Variants in SYNE2 observed in about 807,000 individuals in gnomAD.
SYNE2 encodes the protein nesprin-2.
In SYNE2, 431 loss-of-function variants were observed where a neutral mutation model predicts 856.3. The observed-to-expected ratio is 0.50, with a 90% CI of 0.47 to 0.55. The LOEUF is 0.55. SYNE2 is among the 20% of genes least tolerant of loss of function. The pLI, the probability that SYNE2 is intolerant of heterozygous loss-of-function variation, is 0.00. For synonymous variants in SYNE2, 2,923 were observed against 2,872.3 expected, an observed-to-expected ratio of 1.02 and a Z score of -0.56; for missense variants, 8,129 against 8,023.2, an observed-to-expected ratio of 1.01 and a Z score of -0.50.
At chr14:64,004,610 G>A (rs908272356) in intron 30 of SYNE2, among the ~76,000 whole-genome samples, 2 of 152,066 alleles carry the variant, frequency 1.3e-5, no homozygotes, top group South Asian at 2.1e-4. Flanking sequence ...GATTACAGGC[G>A]TGAGCCACCG....
chr14:64,212,907 G>C lies in SYNE2; in HGVS notation c.18958G>C (p.Val6320Leu). ...TCAGAAGAGCGAGCCCCTGGATGCT[G>C]TGCTGATTGAGGATGAGCTGGAGGA... ...LIQKSEPLDA[V>L]LIEDELEELH... The change falls in exon 105 of 116, where the codon GTG becomes CTG. Residue 6320 changes from valine (V) to leucine (L), a missense_variant. By Grantham distance (32) the Val-to-Leu change is conservative. Coordinates refer to ENST00000555002, the MANE Select transcript of SYNE2 (RefSeq NM_182914.3). 2 of 1,614,210 alleles carry C rather than the reference G, an allele frequency of 1.2e-6. No homozygotes were observed. Among genetic ancestry groups the C allele is most frequent in the South Asian group, 2.2e-5 (2 of 91,086 alleles).
chr14:64,210,156 AT>A, intron 103 of SYNE2, 32 bp downstream of exon 103: 1 of 1,609,942 alleles, frequency 6.2e-7, no homozygotes. Flanking sequence ...TCGGGTGTAG[AT>A]TTTCCAGGAG....
rs148040971 is a variant in SYNE2, at chr14:64,107,992, A to G, written c.12609+385A>G. Among the ~76,000 whole-genome samples the G allele has an allele frequency of 2.6e-3, 398 of 152,336 alleles. 1 individual carries two copies. The highest frequency in any genetic ancestry group is 9.2e-3 in the African/African-American group (382 of 41,576). ...GTTATCTGTTTAACCCTCAGACTGT[A>G]TAAGGTAGGTTCATACCTACCATAT... On this transcript the variant is annotated intron_variant, in intron 65 of 115. Coordinates refer to ENST00000555002, the MANE Select transcript of SYNE2 (RefSeq NM_182914.3).
chr14:64,154,168 T>TTAA (rs1274828971), intron 85 of SYNE2, among the ~76,000 whole-genome samples: 1 of 138,002 alleles, frequency 7.2e-6, no homozygotes, highest in Admixed American at 7.2e-5. Context: ...CCATTTGTAT[T>TTAA]AAAAAAAAAA....
At chr14:64,220,408 C>T in intron 110 of SYNE2, 29 bp from the exon 111 acceptor site, 1 of 1,613,492 alleles carries the variant, frequency 6.2e-7, no homozygotes, top group South Asian at 1.1e-5. Context: ...TTTCAGAGCT[C>T]CTAACCTCAT....
chr14:63,992,474 C>A (rs2096674825), intron 21 of SYNE2, among the ~76,000 whole-genome samples: 1 of 152,088 alleles, frequency 6.6e-6, no homozygotes, highest in African/African-American at 2.4e-5. Flanking sequence ...GAGAAAGGGT[C>A]TCACTCTGTT....
At chr14:63,794,128 A>C (rs1887834774) in intron 1 of SYNE2, among the ~76,000 whole-genome samples, 1 of 152,176 alleles carries the variant, frequency 6.6e-6, no homozygotes. Context: ...TATGAAGCAA[A>C]ACTTGACAGA....
intron 32 of SYNE2, among the ~76,000 whole-genome samples, chr14:64,010,493 A>G (rs772538969): frequency 2.0e-5 from 3 of 152,208 alleles, no homozygotes; most frequent in Non-Finnish European, 2.9e-5. Context: ...TAGTAGAGTG[A>G]GGAAAAATTA....
chr14:64,188,534 G>A lies in SYNE2; in HGVS notation c.17713-16G>A. On this transcript the variant is annotated splice_polypyrimidine_tract_variant and intron_variant, in intron 97 of 115. Transcript: ENST00000555002. ...TCCTGGCTATACTCAGCTGCCAAAT[G>A]TATTTTCATTTGCAGGTGGCCATAC... 6.2e-7 allele frequency: 1 copy of A among 1,614,146 alleles called. No individual in the cohort carries two copies. The highest frequency in any genetic ancestry group is 8.5e-7 in the Non-Finnish European group (1 of 1,180,022).
Position 64,056,070 on chromosome 14 carries a change from G to C in SYNE2, c.9871G>C (p.Glu3291Gln). 1 of 1,614,162 alleles carries C rather than the reference G, an allele frequency of 6.2e-7. No homozygotes were observed. Among genetic ancestry groups the C allele is most frequent in the Non-Finnish European group, 8.5e-7 (1 of 1,180,016 alleles). The stretch of plus-strand genomic sequence containing the variant: ...CAGAGTAGATGTTGGTAATCCAGAA[G>C]AATCTTTAGAGATGCCTCTTCGAAA... The part of the protein sequence containing the change: ...PYRVDVGNPE[E>Q]SLEMPLRKQE... The change falls in exon 49 of 116, where the codon GAA becomes CAA. Residue 3291 changes from glutamate to glutamine, a missense_variant. Transcript: ENST00000555002.
At chr14:64,133,017 A>G (rs1164068108) in intron 77 of SYNE2, among the ~76,000 whole-genome samples, 1 of 151,364 alleles carries the variant, frequency 6.6e-6, no homozygotes, top group East Asian at 1.9e-4. Flanking sequence ...CCTGGCTAAC[A>G]CAGTGAAACC....
chr14:63,762,687 T>G (rs1211831927), intron 1 of SYNE2, among the ~76,000 whole-genome samples: 2 of 151,674 alleles, frequency 1.3e-5, no homozygotes, highest in Non-Finnish European at 2.9e-5. Flanking sequence ...CCACCCGCCT[T>G]AGCTCCCAAA....
At chr14:64,134,671 C>T (rs2098065551) in intron 78 of SYNE2, among the ~76,000 whole-genome samples, 1 of 152,124 alleles carries the variant, frequency 6.6e-6, no homozygotes, top group South Asian at 2.1e-4. Context: ...TCTTACCTGT[C>T]ACCAGCATTA....
intron 11 of SYNE2, among the ~76,000 whole-genome samples, chr14:63,973,103 A>G (rs2096492770): frequency 6.6e-6 from 1 of 151,972 alleles, no homozygotes; most frequent in African/African-American, 2.4e-5. Context: ...TAAAAATACA[A>G]AAATTAGCCA....
At chr14:64,169,387 C>G (rs1222427227) in intron 93 of SYNE2, among the ~76,000 whole-genome samples, 2 of 152,198 alleles carry the variant, frequency 1.3e-5, no homozygotes, top group African/African-American at 2.4e-5. Context: ...TCCTATAAGT[C>G]TGAAAGAAGG....
chr14:64,056,473 C>CT (rs373743691), intron 49 of SYNE2, among the ~76,000 whole-genome samples: 4,295 of 142,898 alleles, frequency 0.03, 93 homozygotes, highest in Admixed American at 0.066. Flanking sequence ...TGTATTTCTT[C>CT]TTTTTTTTTT....
chr14:64,133,948 G>T, intron 77 of SYNE2, 121 bp from the exon 78 acceptor site: 1 of 1,208,472 alleles, frequency 8.3e-7, no homozygotes. Context: ...AACACACCTG[G>T]AATCTGTGCT....
chr14:64,207,560 A>AG (rs2098612474), intron 100 of SYNE2, among the ~76,000 whole-genome samples: 1 of 151,548 alleles, frequency 6.6e-6, no homozygotes, highest in South Asian at 2.1e-4. Flanking sequence ...AAAAAAAAAA[A>AG]AGAGAGTATG....
chr14:64,218,264 G>C, intron 108 of SYNE2, 134 bp from the exon 109 acceptor site: 1 of 808,822 alleles, frequency 1.2e-6, no homozygotes, highest in Non-Finnish European at 2.0e-6. Context: ...AAGCACCACT[G>C]TATTCCTAGC....
Sources: gnomAD v4.1 joint callset for allele counts (sites outside exome capture counted in the v4.1 genomes callset) on GRCh38, gnomAD v4.1.1 for gene constraint, MANE v1.5 for transcripts, NCBI Gene and HGNC (gene_info 2026-07-23, HGNC 2026-07-21) for gene names.